Variants in GALNT13 observed in about 807,000 individuals in gnomAD.
GALNT13 encodes polypeptide N-acetylgalactosaminyltransferase 13, also known as UDP-GalNAc:polypeptide N-acetylgalactosaminyltransferase 13.
In GALNT13, 28 loss-of-function variants were observed where a neutral mutation model predicts 64.2. The ratio of observed to expected loss-of-function variants is 0.44; its 90% CI spans 0.32 to 0.60. The LOEUF (loss-of-function observed/expected upper bound fraction) is 0.60, where lower values mean the gene tolerates loss of function less well. GALNT13 is among the 20% of genes least tolerant of loss of function. GALNT13 has a pLI of 0.05. For synonymous variants in GALNT13, 214 were observed against 224.6 expected (o/e 0.95, Z 0.42); for missense variants, 577 against 669.8 (o/e 0.86, Z 1.53).
At chr2:154,053,538 A>G (rs889478388) in intron 3 of GALNT13, among the ~76,000 whole-genome samples, 13 of 152,118 alleles carry the variant, frequency 8.5e-5, no homozygotes, top group Non-Finnish European at 1.8e-4. Flanking sequence ...GATTTCCCAT[A>G]TACAAAAATT....
intron 4 of GALNT13, among the ~76,000 whole-genome samples, chr2:154,195,702 C>T (rs1437691546): frequency 1.3e-5 from 2 of 151,958 alleles, no homozygotes; most frequent in Middle Eastern, 3.4e-3. Flanking sequence ...AAATGAGCCT[C>T]TTCAAATTTT....
chr2:154,215,348 G>T (rs962618223), intron 4 of GALNT13, among the ~76,000 whole-genome samples: 1 of 124,846 alleles, frequency 8.0e-6, no homozygotes, highest in South Asian at 2.4e-4. Flanking sequence ...TAGAAACCTG[G>T]TTATCAAACC....
chr2:154,411,596 A>G lies in GALNT13; in HGVS notation c.1395+2514A>G, dbSNP rs1390500726. ...AAAAAATATTTGAACAATATATAGT[A>G]TCTGTATATTTATATGGATGCTATG... On this transcript the variant is annotated intron_variant, in intron 11 of 12. Coordinates refer to ENST00000392825, the MANE Select transcript of GALNT13 (RefSeq NM_052917.4). Among the ~76,000 whole-genome samples the G allele has an allele frequency of 3.3e-5, 5 of 151,976 alleles. No individual in the cohort carries two copies. The South Asian group carries it at 6.2e-4, about 19-fold the overall frequency.
the GALNT13 span, among the ~76,000 whole-genome samples, chr2:153,825,396 T>C: frequency 6.6e-6 from 1 of 152,172 alleles, no homozygotes; most frequent in African/African-American, 2.4e-5. Context: ...TTAGAATCAA[T>C]TATAGCAATG....
At chr2:153,780,240 T>TATATATGC in the GALNT13 span, among the ~76,000 whole-genome samples, 47 of 19,442 alleles carry the variant, frequency 2.4e-3, 1 homozygote, top group Admixed American at 5.0e-3. Context: ...TATATATATA[T>TATATATGC]ATATATATAT....
chr2:153,535,531 T>G, the GALNT13 span, among the ~76,000 whole-genome samples: 43 of 151,554 alleles, frequency 2.8e-4, no homozygotes, highest in African/African-American at 7.7e-4. Flanking sequence ...CAAGTTTTTT[T>G]GGGGGCACAG....
the GALNT13 span, among the ~76,000 whole-genome samples, chr2:153,737,477 A>G: frequency 6.6e-6 from 1 of 151,148 alleles, no homozygotes; most frequent in Admixed American, 6.6e-5. Context: ...CACATTTTTT[A>G]TTTTCATTGT....
At chr2:153,123,220 A>T in the GALNT13 span, among the ~76,000 whole-genome samples, 8 of 152,146 alleles carry the variant, frequency 5.3e-5, no homozygotes, top group Admixed American at 3.9e-4. Context: ...CAACCACTAG[A>T]TGCTAGGAAG....
the GALNT13 span, among the ~76,000 whole-genome samples, chr2:153,560,739 A>C: frequency 5.3e-5 from 8 of 152,072 alleles, no homozygotes; most frequent in African/African-American, 1.9e-4. Flanking sequence ...AAGTATTTTA[A>C]CATGAGATAT....
chr2:153,833,673 G>A, the GALNT13 span, among the ~76,000 whole-genome samples: 1 of 152,078 alleles, frequency 6.6e-6, no homozygotes, highest in Non-Finnish European at 1.5e-5. Flanking sequence ...CATGCACTAG[G>A]CGTCTTGAAA....
intron 9 of GALNT13, among the ~76,000 whole-genome samples, chr2:154,362,998 A>G (rs188858309): frequency 7.5e-6 from 1 of 132,892 alleles, no homozygotes. Context: ...TTAAAGTTGC[A>G]TTGTACACTG....
At chr2:153,584,218 C>T in the GALNT13 span, among the ~76,000 whole-genome samples, 3 of 152,158 alleles carry the variant, frequency 2.0e-5, no homozygotes, top group African/African-American at 7.2e-5. Flanking sequence ...CTGAGAACTG[C>T]CCCACCCCAT....
chr2:153,409,112 G>GA, the GALNT13 span, among the ~76,000 whole-genome samples: 2 of 152,016 alleles, frequency 1.3e-5, no homozygotes, highest in East Asian at 3.9e-4. Flanking sequence ...TTTGGCCACA[G>GA]ATTGAAGGCT....
At chr2:153,219,386 G>A in the GALNT13 span, among the ~76,000 whole-genome samples, 1 of 152,140 alleles carries the variant, frequency 6.6e-6, no homozygotes, top group African/African-American at 2.4e-5. Flanking sequence ...CTCACTTCAT[G>A]GCAGATCTAT....
the GALNT13 span, among the ~76,000 whole-genome samples, chr2:153,678,085 A>G: frequency 6.6e-6 from 1 of 151,516 alleles, no homozygotes; most frequent in Admixed American, 6.6e-5. Flanking sequence ...AAACAAAAGA[A>G]ACTCTCAACA....
the GALNT13 span, among the ~76,000 whole-genome samples, chr2:153,587,302 A>C: frequency 6.6e-6 from 1 of 152,200 alleles, no homozygotes; most frequent in South Asian, 2.1e-4. Flanking sequence ...ACATACCAAA[A>C]CTTGGATATA....
intron 3 of GALNT13, among the ~76,000 whole-genome samples, chr2:154,022,283 A>G (rs1433588764): frequency 6.6e-6 from 1 of 152,170 alleles, no homozygotes; most frequent in Non-Finnish European, 1.5e-5. Flanking sequence ...GAATGGTACC[A>G]GCTCTTCTTT....
chr2:153,469,885 G>A, the GALNT13 span, among the ~76,000 whole-genome samples: 1 of 151,612 alleles, frequency 6.6e-6, no homozygotes, highest in African/African-American at 2.4e-5. Flanking sequence ...AGCAAAGAGA[G>A]ATGTCAAATG....
chr2:154,308,573 T>C lies in GALNT13; in HGVS notation c.1156+6984T>C, dbSNP rs2105120047. ...TGCAGTGTGAATATTTTTGTAATAA[T>C]CTAGGAATATTAGCTATTGGTTGGA... On this transcript the variant is annotated intron_variant, in intron 9 of 12. Coordinates refer to ENST00000392825, the MANE Select transcript of GALNT13 (RefSeq NM_052917.4). 3.3e-5 allele frequency among the ~76,000 whole-genome samples: 5 copies of C among 152,280 alleles called. No individual in the cohort carries two copies. The Middle Eastern group carries it at 0.017, about 518-fold the overall frequency.
Sources: allele counts gnomAD v4.1 joint callset (sites outside exome capture counted in the v4.1 genomes callset), GRCh38; gene constraint gnomAD v4.1.1; transcripts MANE v1.5; gene names NCBI Gene and HGNC (gene_info 2026-07-23, HGNC 2026-07-21).